Variants in CLMP observed in about 807,000 individuals in gnomAD.
CLMP encodes the protein CXADR like cell adhesion molecule, also known as CXADR-like membrane protein.
Under a neutral mutation model 45.2 loss-of-function variants are expected in CLMP, and 27 were observed. That is an observed-to-expected ratio of 0.60 (90% CI 0.44 to 0.82). The LOEUF is 0.82. CLMP is among the 40% of genes least tolerant of loss of function. The pLI is 0.00. For synonymous variants in CLMP, 167 were observed against 171.4 expected, an observed-to-expected ratio of 0.97 and a Z score of 0.20; for missense variants, 403 against 448.4, an observed-to-expected ratio of 0.90 and a Z score of 0.91.
intron 1 of CLMP, among the ~76,000 whole-genome samples, chr11:123,178,073 C>T (rs1013152503): frequency 6.6e-6 from 1 of 152,044 alleles, no homozygotes; most frequent in African/African-American, 2.4e-5. Context: ...CCATGTTGGC[C>T]AGGCTGGTCT....
At chr11:123,133,400 C>A (rs1861020710) in intron 1 of CLMP, among the ~76,000 whole-genome samples, 1 of 152,166 alleles carries the variant, frequency 6.6e-6, no homozygotes, top group Admixed American at 6.5e-5. Context: ...CCGTCAACAT[C>A]TTCTTACCCT....
rs1017904734 is a variant in CLMP at position 123,182,409 on chromosome 11, C to T, written c.28+12504G>A. 2.6e-5 allele frequency among the ~76,000 whole-genome samples: 4 copies of T among 152,306 alleles called. No individual in the cohort carries two copies. The South Asian group carries it at 8.3e-4, about 32-fold the overall frequency. On this transcript the variant is annotated intron_variant, in intron 1 of 6. Coordinates refer to ENST00000448775, the MANE Select transcript of CLMP (RefSeq NM_024769.5). Reference sequence around the variant, plus strand: ...CCAAATCTGGGTTAGACTCTTGCAGCAGGGAAGGGACCTACAAATTTTCCC... The same window carrying T: ...CCAAATCTGGGTTAGACTCTTGCAGTAGGGAAGGGACCTACAAATTTTCCC...
chr11:123,138,501 TC>T (rs1565394107), intron 1 of CLMP, among the ~76,000 whole-genome samples: 1 of 152,170 alleles, frequency 6.6e-6, no homozygotes, highest in East Asian at 1.9e-4. Context: ...TAAAATTTTT[TC>T]CTGCTGGTTA....
chr11:123,100,614 A>G (rs1294871955), intron 1 of CLMP, among the ~76,000 whole-genome samples: 1 of 152,086 alleles, frequency 6.6e-6, no homozygotes, highest in Non-Finnish European at 1.5e-5. Flanking sequence ...TGATGCTCAC[A>G]CAGCTCTGCA....
Position 123,090,971 on chromosome 11 carries a change from A to G in CLMP, c.187-6258T>C, listed in dbSNP as rs151247351. Among the ~76,000 whole-genome samples, 57 of 152,336 alleles carry G rather than the reference A, an allele frequency of 3.7e-4. No individual in the cohort carries two copies. In the East Asian group the frequency reaches 0.01, roughly 27 times the overall value. ...TATAAGTAACTATTTTGTTTCAACT[A>G]GAAGGTCAGAGGCCAAAAAATGCTT... On this transcript the variant is annotated intron_variant, in intron 2 of 6. Transcript: ENST00000448775.
chr11:123,092,370 C>T (rs1214769802), intron 2 of CLMP, among the ~76,000 whole-genome samples: 1 of 151,820 alleles, frequency 6.6e-6, no homozygotes, highest in Non-Finnish European at 1.5e-5. Context: ...CAATCTTGGC[C>T]CACTGCAACC....
At chr11:123,074,606 G>T in intron 6 of CLMP, 96 bp downstream of exon 6, 1 of 1,264,142 alleles carries the variant, frequency 7.9e-7, no homozygotes, top group Non-Finnish European at 1.1e-6. Context: ...ACAGATTCAT[G>T]GTTAAGAGAA....
At chr11:123,100,750 G>A (rs11218981) in intron 1 of CLMP, among the ~76,000 whole-genome samples, 23,856 of 151,946 alleles carry the variant, frequency 0.16, 2,126 homozygotes, top group East Asian at 0.34. Context: ...TCCATCCATT[G>A]TGCCTGGGCT....
chr11:123,126,416 A>G (rs1478645767), intron 1 of CLMP, among the ~76,000 whole-genome samples: 1 of 152,162 alleles, frequency 6.6e-6, no homozygotes, highest in Non-Finnish European at 1.5e-5. Flanking sequence ...ATATTAATCA[A>G]CTATTTACCA....
At chr11:123,139,505 C>T (rs534554567) in intron 1 of CLMP, among the ~76,000 whole-genome samples, 127 of 152,212 alleles carry the variant, frequency 8.3e-4, no homozygotes, top group African/African-American at 3.0e-3. Context: ...CTCTAAGCTT[C>T]AGTGGTAACA....
intron 1 of CLMP, among the ~76,000 whole-genome samples, chr11:123,182,806 C>T (rs998324333): frequency 5.9e-5 from 9 of 152,144 alleles, no homozygotes; most frequent in Admixed American, 2.0e-4. Flanking sequence ...AAGGCTTAAC[C>T]GTGAAATAAC....
intron 5 of CLMP, among the ~76,000 whole-genome samples, chr11:123,079,480 GTC>G (rs1363496132): frequency 6.6e-6 from 1 of 152,038 alleles, no homozygotes; most frequent in Non-Finnish European, 1.5e-5. Context: ...TTGAGACGGA[GTC>G]TCTCTCTGTC....
chr11:123,117,191 CATATA>C (rs1339699051), intron 1 of CLMP, among the ~76,000 whole-genome samples: 7 of 151,924 alleles, frequency 4.6e-5, no homozygotes, highest in African/African-American at 1.7e-4. Context: ...TTGTAAAATG[CATATA>C]ATATACCAGT....
At chr11:123,170,776 G>A (rs2135540629) in intron 1 of CLMP, among the ~76,000 whole-genome samples, 1 of 152,296 alleles carries the variant, frequency 6.6e-6, no homozygotes, top group South Asian at 2.1e-4. Context: ...GAGGCATGAA[G>A]ATCAGCTCGT....
At chr11:123,083,593 A>C (rs570643351) in intron 4 of CLMP, 87 bp downstream of exon 4, 167 of 1,339,696 alleles carry the variant, frequency 1.2e-4, no homozygotes, top group Non-Finnish European at 1.7e-4. Flanking sequence ...TTCAGGTCAC[A>C]TAGTGAGTTG....
intron 1 of CLMP, among the ~76,000 whole-genome samples, chr11:123,188,159 G>A (rs896067341): frequency 2.3e-4 from 35 of 152,128 alleles, no homozygotes; most frequent in African/African-American, 8.0e-4. Context: ...GTACGATCGG[G>A]GTCTCAGAGC....
chr11:123,086,938 A>T (rs1358394821), intron 2 of CLMP, among the ~76,000 whole-genome samples: 1 of 152,206 alleles, frequency 6.6e-6, no homozygotes. Context: ...TCACAACTGT[A>T]ATCCCAGCAT....
rs918411080 is a variant in CLMP at position 123,161,036 on chromosome 11, G to T, written c.28+33877C>A. On this transcript the variant is annotated intron_variant, in intron 1 of 6. Coordinates refer to ENST00000448775, the MANE Select transcript of CLMP (RefSeq NM_024769.5). ...CCTTCCTATTTATTGATTGAAACAG[G>T]CAGCATTAGATTTCCTTGGCCTTCC... 2.6e-5 allele frequency among the ~76,000 whole-genome samples: 4 copies of T among 151,834 alleles called. No individual in the cohort carries two copies. The South Asian group carries it at 8.3e-4, about 32-fold the overall frequency.
At chr11:123,163,088 G>C (rs147550047) in intron 1 of CLMP, among the ~76,000 whole-genome samples, 1 of 152,212 alleles carries the variant, frequency 6.6e-6, no homozygotes, top group African/African-American at 2.4e-5. Context: ...GCTACAGCTG[G>C]AAGCAGGAAG....
Sources: gnomAD v4.1 joint callset for allele counts (sites outside exome capture counted in the v4.1 genomes callset) on GRCh38, gnomAD v4.1.1 for gene constraint, MANE v1.5 for transcripts, NCBI Gene and HGNC (gene_info 2026-07-23, HGNC 2026-07-21) for gene names.